Variants in MCTP1 observed in about 807,000 individuals in gnomAD.
The protein encoded by MCTP1 is multiple C2 and transmembrane domain containing 1.
Under a neutral mutation model 120.6 loss-of-function variants are expected in MCTP1, and 69 were observed. The ratio of observed to expected loss-of-function variants is 0.57; its 90% CI spans 0.47 to 0.70. MCTP1 has a LOEUF of 0.70. Among genes scored for constraint, MCTP1 ranks in the 30% least tolerant of loss-of-function variants. The pLI is 0.00. For missense variants in MCTP1, 1,203 were observed against 1,248.8 expected (o/e 0.96, Z 0.55); for synonymous variants, 529 against 493.1 (o/e 1.07, Z -0.96).
In MCTP1 at chr5:95,130,100, C is replaced by T. The variant is rs113052436; in HGVS notation, c.721-112616G>A. On this transcript the variant is annotated intron_variant, in intron 1 of 22. Transcript: ENST00000515393. ...TATCACCCCCTGTCCCCCAGCTTCT[C>T]GGACCTTAGAAATAGGGCTGAATTA... Among the ~76,000 whole-genome samples the T allele has an allele frequency of 6.5e-3, 995 of 152,304 alleles. 11 individuals carry two copies. The highest frequency in any genetic ancestry group is 0.023 in the African/African-American group (966 of 41,556).
At chr5:94,889,158 C>T (rs987706357) in intron 11 of MCTP1, among the ~76,000 whole-genome samples, 186 bp from the exon 12 acceptor site, 7 of 151,842 alleles carry the variant, frequency 4.6e-5, no homozygotes, top group Non-Finnish European at 8.8e-5. Context: ...CATGTGCTAG[C>T]TGAGGATTAA....
Position 95,098,625 on chromosome 5 carries a change from T to C in MCTP1, c.721-81141A>G, listed in dbSNP as rs531432381. Among the ~76,000 whole-genome samples, 718 of 151,532 alleles carry C rather than the reference T, an allele frequency of 4.7e-3. 4 individuals carry two copies. The highest frequency in any genetic ancestry group is 0.016 in the African/African-American group (679 of 41,264). ...CACTGCTCAAGGAAATAAAAGAGGA[T>C]ACAAACAAATGGAAGAACATTCCAT... On this transcript the variant is annotated intron_variant, in intron 1 of 22. Transcript: ENST00000515393.
intron 1 of MCTP1, among the ~76,000 whole-genome samples, chr5:95,260,331 G>C (rs1030528251): frequency 2.0e-5 from 3 of 152,082 alleles, no homozygotes; most frequent in African/African-American, 7.2e-5. Context: ...CTATATGTTA[G>C]TTATTTAAAA....
intron 19 of MCTP1, among the ~76,000 whole-genome samples, chr5:94,755,061 G>A (rs1283396980): frequency 6.6e-6 from 1 of 152,122 alleles, no homozygotes; most frequent in East Asian, 1.9e-4. Flanking sequence ...TTGTCCATTT[G>A]GCTCATGCTG....
At chr5:94,756,333 T>C (rs1039566525) in intron 19 of MCTP1, among the ~76,000 whole-genome samples, 9 of 152,152 alleles carry the variant, frequency 5.9e-5, no homozygotes, top group Non-Finnish European at 2.9e-5. Context: ...TGGCAGCAAT[T>C]GTAAGATGTG....
intron 17 of MCTP1, chr5:94,868,128 A>G (rs1310600300): frequency 1.0e-5 from 4 of 389,158 alleles, no homozygotes; most frequent in Non-Finnish European, 1.8e-5. Flanking sequence ...CGTTCCGGAA[A>G]TCTGAGGGGG....
At chr5:94,920,682 T>C (rs460996) in intron 7 of MCTP1, among the ~76,000 whole-genome samples, 127,163 of 151,224 alleles carry the variant, frequency 0.84, 53,680 homozygotes, top group East Asian at 0.95. Context: ...GCGAAGCTTA[T>C]AGTGAGCCAA....
intron 18 of MCTP1, among the ~76,000 whole-genome samples, chr5:94,798,625 G>T (rs1429969763): frequency 3.3e-5 from 5 of 152,026 alleles, no homozygotes. Flanking sequence ...GAATCTATCT[G>T]TCTTAAGTAA....
chr5:95,034,789 T>C (rs1399114901), intron 1 of MCTP1, among the ~76,000 whole-genome samples: 5 of 151,846 alleles, frequency 3.3e-5, no homozygotes, highest in African/African-American at 7.2e-5. Flanking sequence ...AGACAACCTA[T>C]GGAATGGGAG....
At chr5:94,879,527 C>A (rs941504592) in intron 12 of MCTP1, among the ~76,000 whole-genome samples, 2 of 152,038 alleles carry the variant, frequency 1.3e-5, no homozygotes, top group African/African-American at 4.8e-5. Flanking sequence ...ATCTTAGGAA[C>A]TCTTAAAAAT....
chr5:94,873,349 A>G, intron 12 of MCTP1, 108 bp from the exon 13 acceptor site: 1 of 568,020 alleles, frequency 1.8e-6, no homozygotes, highest in Non-Finnish European at 3.1e-6. Context: ...GTAAACAAAA[A>G]AGTGAAGTAC....
intron 1 of MCTP1, among the ~76,000 whole-genome samples, chr5:95,267,771 A>C (rs1235460188): frequency 6.6e-6 from 1 of 152,044 alleles, no homozygotes; most frequent in Non-Finnish European, 1.5e-5. Flanking sequence ...AAAGTCCAAA[A>C]TCTCCCCAAG....
At chr5:95,082,820 A>G (rs1173792830) in intron 1 of MCTP1, among the ~76,000 whole-genome samples, 1 of 152,140 alleles carries the variant, frequency 6.6e-6, no homozygotes, top group East Asian at 1.9e-4. Context: ...TACCATATTG[A>G]ATAGCATAGG....
At chr5:94,745,578 A>G (rs1464122670) in intron 19 of MCTP1, among the ~76,000 whole-genome samples, 2 of 152,182 alleles carry the variant, frequency 1.3e-5, no homozygotes, top group Non-Finnish European at 2.9e-5. Context: ...CCATTTGAGT[A>G]TCTTCAAAAT....
intron 17 of MCTP1, among the ~76,000 whole-genome samples, chr5:94,847,164 T>A (rs1169045200): frequency 1.3e-5 from 2 of 152,188 alleles, no homozygotes; most frequent in Admixed American, 6.6e-5. Flanking sequence ...TGAATTACAC[T>A]CTGCCTTGTA....
At chr5:94,994,544 T>C (rs987938544) in intron 2 of MCTP1, among the ~76,000 whole-genome samples, 3 of 152,180 alleles carry the variant, frequency 2.0e-5, no homozygotes, top group African/African-American at 7.2e-5. Flanking sequence ...AAATTGTATA[T>C]AGTAATTGGT....
In MCTP1 at chr5:95,172,623, C is replaced by G. The variant is rs191666212; in HGVS notation, c.720+111233G>C. 1.2e-3 allele frequency among the ~76,000 whole-genome samples: 190 copies of G among 152,024 alleles called. 2 individuals are homozygous for G. The highest frequency in any genetic ancestry group is 0.011 in the Admixed American group (174 of 15,252). On this transcript the variant is annotated intron_variant, in intron 1 of 22. Coordinates refer to ENST00000515393, the MANE Select transcript of MCTP1 (RefSeq NM_024717.7). ...TTTGGTGCCTGTATGATGTCTAGCA[C>G]TACATGAGGCACTGCAGAGCTCTAC...
intron 1 of MCTP1, among the ~76,000 whole-genome samples, chr5:95,249,317 TA>T (rs959765750): frequency 2.0e-5 from 3 of 150,356 alleles, no homozygotes; most frequent in African/African-American, 4.9e-5. Flanking sequence ...AATTTACAAT[TA>T]AAAAAAACCC....
chr5:95,078,043 C>T (rs201315280), intron 1 of MCTP1, among the ~76,000 whole-genome samples: 2 of 22,774 alleles, frequency 8.8e-5, no homozygotes, highest in Non-Finnish European at 5.2e-4. Flanking sequence ...TCCATCCATC[C>T]ATCCATCCAT....
Sources: allele counts gnomAD v4.1 joint callset (sites outside exome capture counted in the v4.1 genomes callset), GRCh38; gene constraint gnomAD v4.1.1; transcripts MANE v1.5; gene names NCBI Gene and HGNC (gene_info 2026-07-23, HGNC 2026-07-21).